Variants in RAI14 observed in about 807,000 individuals in gnomAD.
The protein encoded by RAI14 is retinoic acid induced 14, also known as ankycorbin.
In RAI14, 45 loss-of-function variants were observed where a neutral mutation model predicts 115.4. The observed-to-expected ratio is 0.39, with a 90% confidence interval of 0.31 to 0.50. The LOEUF is 0.50. Ranked by LOEUF, RAI14 falls within the 20% of genes least tolerant of loss-of-function variation. The probability of loss-of-function intolerance (pLI) is 0.85; values close to 1 mark genes in which losing one functional copy is unlikely to be tolerated. For missense variants in RAI14, 939 were observed against 1,131.2 expected (o/e 0.83, Z 2.44); for synonymous variants, 371 against 415.4 (o/e 0.89, Z 1.30).
At chr5:34,784,994 A>G (rs893874169) in intron 3 of RAI14, among the ~76,000 whole-genome samples, 3 of 152,196 alleles carry the variant, frequency 2.0e-5, no homozygotes, top group African/African-American at 7.2e-5. Context: ...TAAAGTCTCC[A>G]TAGGTTGTAT....
intron 3 of RAI14, among the ~76,000 whole-genome samples, chr5:34,759,500 T>C (rs997651454): frequency 3.3e-5 from 5 of 152,176 alleles, no homozygotes; most frequent in African/African-American, 1.2e-4. Flanking sequence ...ATTCTCATAG[T>C]AGCACAAACC....
chr5:34,683,600 GCA>G (rs1437482144), intron 1 of RAI14, among the ~76,000 whole-genome samples: 2 of 152,136 alleles, frequency 1.3e-5, no homozygotes, highest in East Asian at 3.9e-4. Flanking sequence ...GTGGGGAACT[GCA>G]CAGTTTTGGG....
intron 2 of RAI14, among the ~76,000 whole-genome samples, chr5:34,709,365 T>C (rs1230135958): frequency 6.6e-6 from 1 of 152,076 alleles, no homozygotes; most frequent in Non-Finnish European, 1.5e-5. Flanking sequence ...GGAGAATCGC[T>C]TGAACCTGGA....
At chr5:34,693,744 G>A (rs79450050) in intron 2 of RAI14, among the ~76,000 whole-genome samples, 68,267 of 152,084 alleles carry the variant, frequency 0.45, 17,559 homozygotes, top group South Asian at 0.64. Flanking sequence ...CTTGCTAACA[G>A]GTTGCTGGTT....
chr5:34,817,272 CAA>C (rs34084798), intron 12 of RAI14, among the ~76,000 whole-genome samples: 13 of 97,138 alleles, frequency 1.3e-4, no homozygotes, highest in Non-Finnish European at 1.8e-4. Flanking sequence ...CACTCCATCT[CAA>C]AAAAAAAAAA....
At chr5:34,765,784 A>G (rs1017837224) in intron 3 of RAI14, among the ~76,000 whole-genome samples, 1 of 152,204 alleles carries the variant, frequency 6.6e-6, no homozygotes, top group Non-Finnish European at 1.5e-5. Flanking sequence ...AAATGTCTCC[A>G]GGCCATGCCA....
intron 12 of RAI14, 101 bp from the exon 13 acceptor site, chr5:34,818,696 C>T: frequency 1.1e-6 from 1 of 882,520 alleles, no homozygotes; most frequent in Non-Finnish European, 1.8e-6. Flanking sequence ...AGGATCATAC[C>T]AGATCTGCTC....
At position 34,712,348 on chromosome 5, in the gene RAI14, C is replaced by G. The variant is rs143290231; in HGVS notation, c.36+25393C>G. ...TTTGGAGTTTATATTTAAAAACTCT[C>G]TGAGTTCCAAGATGATTGGAACAAG... On this transcript the variant is annotated intron_variant, in intron 2 of 17. Coordinates refer to ENST00000265109, the MANE Select transcript of RAI14 (RefSeq NM_015577.3). 2.8e-3 allele frequency among the ~76,000 whole-genome samples: 421 copies of G among 152,230 alleles called. 2 individuals carry two copies. Among genetic ancestry groups the G allele is most frequent in the African/African-American group, 9.7e-3 (401 of 41,532 alleles).
Position 34,687,642 on chromosome 5 carries a change from T to C in RAI14, c.36+687T>C, listed in dbSNP as rs775623378. On this transcript the variant is annotated intron_variant, in intron 2 of 17. Coordinates refer to ENST00000265109, the MANE Select transcript of RAI14 (RefSeq NM_015577.3). ...ATAAACCCTTCTATGATCCCAGTCT[T>C]GTATTAGCTGCATTCCAGATACTTT... 100 of 1,550,726 alleles carry C rather than the reference T, an allele frequency of 6.4e-5. 1 individual carries two copies. Among genetic ancestry groups the C allele is most frequent in the Non-Finnish European group, 8.2e-5 (94 of 1,146,598 alleles).
At chr5:34,774,017 A>G (rs1308412158) in intron 3 of RAI14, among the ~76,000 whole-genome samples, 2 of 152,174 alleles carry the variant, frequency 1.3e-5, no homozygotes, top group African/African-American at 4.8e-5. Flanking sequence ...ATATGATTTT[A>G]TATTGGAAAA....
In RAI14 at chr5:34,814,570, G is replaced by T; in HGVS notation, c.853-13G>T. 6.3e-7 allele frequency: 1 copy of T among 1,593,248 alleles called. No individual in the cohort carries two copies. The stretch of plus-strand genomic sequence containing the variant: ...ATTCTTTATTAATGATTTTCATTTT[G>T]TTTCTTTTTTAGTTGAGTGATGTCT... On this transcript the variant is annotated splice_polypyrimidine_tract_variant and intron_variant, in intron 11 of 17. Coordinates refer to ENST00000265109, the MANE Select transcript of RAI14 (RefSeq NM_015577.3).
intron 1 of RAI14, among the ~76,000 whole-genome samples, chr5:34,679,983 T>C (rs1285503534): frequency 1.3e-5 from 2 of 152,198 alleles, no homozygotes; most frequent in Non-Finnish European, 1.5e-5. Flanking sequence ...TTGTTCTGCG[T>C]GTTCACCTGT....
At chr5:34,825,706 T>A (rs1428700656) in intron 15 of RAI14, among the ~76,000 whole-genome samples, 2 of 151,144 alleles carry the variant, frequency 1.3e-5, no homozygotes, top group African/African-American at 4.9e-5. Flanking sequence ...TTCAGGGGGA[T>A]GGTTCCACGC....
intron 3 of RAI14, among the ~76,000 whole-genome samples, chr5:34,783,861 C>A (rs947849418): frequency 1.3e-4 from 20 of 152,136 alleles, no homozygotes; most frequent in African/African-American, 4.6e-4. Flanking sequence ...GCTGGAATGC[C>A]CATCACCGCA....
In RAI14 at chr5:34,811,808, C is replaced by G; in HGVS notation, c.599C>G (p.Ala200Gly). ...MLACEIGSSN[A>G]VEALIKKGAD... ...GCCTGTGAGATTGGCAGCTCTAACG[C>G]TGTGGAAGCCTTAATTAAAAAGGGT... Residue 200 changes from alanine to glycine, a missense_variant, in exon 9 of 18, where the codon GCT becomes GGT. Ala to Gly is a moderately conservative substitution (Grantham distance 60). Transcript: ENST00000265109. The G allele has an allele frequency of 3.1e-6, 5 of 1,613,482 alleles. No homozygotes were observed. Among genetic ancestry groups the G allele is most frequent in the Non-Finnish European group, 4.2e-6 (5 of 1,179,892 alleles).
chr5:34,735,925 A>G (rs1744812932), intron 2 of RAI14, among the ~76,000 whole-genome samples: 1 of 152,258 alleles, frequency 6.6e-6, no homozygotes, highest in Non-Finnish European at 1.5e-5. Flanking sequence ...GACCTCACAG[A>G]GTGCAGAATA....
At chr5:34,694,614 AT>A (rs1452454897) in intron 2 of RAI14, among the ~76,000 whole-genome samples, 1 of 152,156 alleles carries the variant, frequency 6.6e-6, no homozygotes, top group African/African-American at 2.4e-5. Flanking sequence ...AAAGGATTTC[AT>A]TTTTATTTTC....
intron 2 of RAI14, among the ~76,000 whole-genome samples, chr5:34,754,485 C>T (rs1040373958): frequency 6.6e-6 from 1 of 152,064 alleles, no homozygotes; most frequent in Non-Finnish European, 1.5e-5. Flanking sequence ...GCTTTGGCCT[C>T]CCCAGTAGCT....
chr5:34,693,180 T>C (rs1738840716), intron 2 of RAI14, among the ~76,000 whole-genome samples: 1 of 152,164 alleles, frequency 6.6e-6, no homozygotes, highest in Non-Finnish European at 1.5e-5. Flanking sequence ...AAGGTCACCT[T>C]CTGAGGTTAG....
Sources: gnomAD v4.1 joint callset for allele counts (sites outside exome capture counted in the v4.1 genomes callset) on GRCh38, gnomAD v4.1.1 for gene constraint, MANE v1.5 for transcripts, NCBI Gene and HGNC (gene_info 2026-07-23, HGNC 2026-07-21) for gene names.